The following NUBP1 variants were observed in gnomAD, a reference collection of about 807,000 sequenced individuals.
NUBP1 encodes NUBP iron-sulfur cluster assembly factor 1, cytosolic.
A neutral mutation model predicts 41.8 loss-of-function variants in NUBP1; 46 were observed. The observed-to-expected ratio is 1.10, with a 90% CI of 0.87 to 1.41. NUBP1 has a LOEUF of 1.41. Ranked by LOEUF, NUBP1 falls within the 40% of genes most tolerant of loss-of-function variation. NUBP1 has a pLI of 0.00. For missense variants in NUBP1, 494 were observed against 414.0 expected, an observed-to-expected ratio of 1.19 and a Z score of -1.68; for synonymous variants, 189 against 154.6, an observed-to-expected ratio of 1.22 and a Z score of -1.65.
At chr16:10,748,664 C>G (rs531686473) in intron 3 of NUBP1, among the ~76,000 whole-genome samples, 2 of 152,322 alleles carry the variant, frequency 1.3e-5, no homozygotes, top group South Asian at 4.1e-4. Context: ...ATAGTCAATG[C>G]TCAGTAAAGG....
chr16:10,755,972 T>C (rs1900529768), intron 5 of NUBP1, among the ~76,000 whole-genome samples: 1 of 152,242 alleles, frequency 6.6e-6, no homozygotes, highest in African/African-American at 2.4e-5. Flanking sequence ...AGCACAAAAG[T>C]AGTAATATGT....
At position 10,768,348 on chromosome 16, in the gene NUBP1, A is replaced by G; in HGVS notation, c.904+316A>G. ...CCAGGTGCAGTGGCTCACACCTGGA[A>G]TCCCAGCACTTTGGGTGAAGGAGGC... On this transcript the variant is annotated intron_variant, in intron 10 of 10. Transcript: ENST00000283027. The surrounding 1 kb of genome is among the most constrained non-coding windows in gnomAD (Gnocchi z 4.3). 5.4e-6 allele frequency: 1 copy of G among 186,590 alleles called. No homozygotes were observed. The allele number at this position is 186,590 out of a possible 1,614,324, so 11.6% of individuals were successfully genotyped here.
At chr16:10,754,297 C>T (rs1481673282) in intron 4 of NUBP1, among the ~76,000 whole-genome samples, 2 of 151,886 alleles carry the variant, frequency 1.3e-5, no homozygotes, top group African/African-American at 4.8e-5. Context: ...GGCTGGAGTG[C>T]AGTGTCGCGA....
chr16:10,755,117 A>G (rs868703110), intron 4 of NUBP1, among the ~76,000 whole-genome samples: 3 of 152,222 alleles, frequency 2.0e-5, no homozygotes, highest in African/African-American at 4.8e-5. Context: ...CACTCATTCA[A>G]TGGGTGAGTC....
rs1900830309 is a variant in NUBP1, at chr16:10,759,964, C to T, written c.607-1400C>T. Among the ~76,000 whole-genome samples, 1 of 152,192 alleles carries T rather than the reference C, an allele frequency of 6.6e-6. No individual in the cohort carries two copies. Among genetic ancestry groups the T allele is most frequent in the Non-Finnish European group, 1.5e-5 (1 of 68,040 alleles). Reference sequence around the variant, plus strand: ...AGCTCCAGGTGCTAAGGAGTCACTACACCTGACAGTGACAAGCCACAGCAG... The same window carrying T: ...AGCTCCAGGTGCTAAGGAGTCACTATACCTGACAGTGACAAGCCACAGCAG... On this transcript the variant is annotated intron_variant, in intron 7 of 10. Transcript: ENST00000283027. The surrounding 1 kb of genome is among the most constrained non-coding windows in gnomAD (Gnocchi z 4.7).
At position 10,769,030 on chromosome 16, in the gene NUBP1, G is replaced by C. The variant is rs756625301; in HGVS notation, c.905-17G>C. ...GACAAGCCATTAGCACTCTATGCCT[G>C]TCGTCTTGTTTTCCAGGAATCCAAG... On this transcript the variant is annotated splice_polypyrimidine_tract_variant and intron_variant, in intron 10 of 10. Coordinates refer to ENST00000283027, the MANE Select transcript of NUBP1 (RefSeq NM_002484.4). The C allele has an allele frequency of 2.9e-5, 47 of 1,613,510 alleles. No individual in the cohort carries two copies. Among genetic ancestry groups the C allele is most frequent in the Non-Finnish European group, 4.0e-5 (47 of 1,179,540 alleles).
In NUBP1 at chr16:10,749,779, G is replaced by C. The variant is rs537554028; in HGVS notation, c.258+2503G>C. ...CTCTGTGCAAGACCATTCCATGTTA[G>C]CGCTTGAGGCAGGCAGGCGCCTGTC... is the stretch of plus-strand genomic sequence containing the variant. On this transcript the variant is annotated intron_variant, in intron 3 of 10. Transcript: ENST00000283027. This position sits in a 1 kb window ranked among gnomAD's most constrained non-coding sequence, Gnocchi z 4.1. Among the ~76,000 whole-genome samples, 27 of 152,316 alleles carry C rather than the reference G, an allele frequency of 1.8e-4. No individual in the cohort carries two copies. Among genetic ancestry groups the C allele is most frequent in the Non-Finnish European group, 1.9e-4 (13 of 68,036 alleles).
Position 10,759,375 on chromosome 16 carries a change from G to T in NUBP1, c.606+1348G>T, listed in dbSNP as rs1265288762. The stretch of plus-strand genomic sequence containing the variant: ...GACATGGGGACGCAAGGAGGAGCAG[G>T]ACACCAGCTGGGACCCTGGACAGGA... On this transcript the variant is annotated intron_variant, in intron 7 of 10. Transcript: ENST00000283027. The surrounding 1 kb of genome is among the most constrained non-coding windows in gnomAD (Gnocchi z 4.7). Among the ~76,000 whole-genome samples, 1 of 152,248 alleles carries T rather than the reference G, an allele frequency of 6.6e-6. No individual in the cohort carries two copies. Among genetic ancestry groups the T allele is most frequent in the Admixed American group, 6.5e-5 (1 of 15,290 alleles).
intron 9 of NUBP1, 71 bp downstream of exon 9, chr16:10,761,930 G>C (rs2029977660): frequency 8.2e-7 from 1 of 1,221,414 alleles, no homozygotes; most frequent in Admixed American, 2.0e-5. Context: ...GGGCACAACA[G>C]GGGGCGGCTA....
chr16:10,752,209 A>C (rs1900349247), intron 3 of NUBP1, among the ~76,000 whole-genome samples: 1 of 152,148 alleles, frequency 6.6e-6, no homozygotes, highest in East Asian at 1.9e-4. Flanking sequence ...AGCAAAAGAG[A>C]GCTGTTTAGG....
rs994466663 is a variant in NUBP1 at position 10,767,823 on chromosome 16, C to A, written c.821-126C>A. On this transcript the variant is annotated intron_variant, in intron 9 of 10. Transcript: ENST00000283027. This position sits in a 1 kb window ranked among gnomAD's most constrained non-coding sequence, Gnocchi z 4.6. ...CCCCACTGGTCTTTTCTACTTTGTT[C>A]TTCATTACGAGTGAAGCGGGCTCAA... 4.7e-6 allele frequency: 4 copies of A among 848,740 alleles called. No individual in the cohort carries two copies. The highest frequency in any genetic ancestry group is 2.1e-5 in the Admixed American group (1 of 46,824). 52.6% of individuals were successfully genotyped at this position (848,740 alleles called of 1,614,324 possible).
intron 2 of NUBP1, 119 bp downstream of exon 2, chr16:10,744,184 G>C (rs1899951775): frequency 2.9e-6 from 3 of 1,028,360 alleles, no homozygotes; most frequent in African/African-American, 3.4e-5. Context: ...AGAAGGTATT[G>C]TATTCGGAGA....
chr16:10,752,467 G>A, intron 3 of NUBP1, 143 bp from the exon 4 acceptor site: 1 of 662,976 alleles, frequency 1.5e-6, no homozygotes. Flanking sequence ...CTCTCCCTCA[G>A]GAGAATCTGA....
Position 10,768,749 on chromosome 16 carries a change from T to C in NUBP1, c.905-298T>C. On this transcript the variant is annotated intron_variant, in intron 10 of 10. Coordinates refer to ENST00000283027, the MANE Select transcript of NUBP1 (RefSeq NM_002484.4). The surrounding 1 kb of genome is among the most constrained non-coding windows in gnomAD (Gnocchi z 4.3). Reference sequence around the variant, plus strand: ...TTGTTAAAGCTGTGGTCTCTGAGTTTGTGGCTGGGTTTTACTTGCCTAGAA... The same window carrying C: ...TTGTTAAAGCTGTGGTCTCTGAGTTCGTGGCTGGGTTTTACTTGCCTAGAA... The C allele has an allele frequency of 3.1e-6, 1 of 321,136 alleles. No homozygotes were observed. The highest frequency in any genetic ancestry group is 8.4e-4 in the Middle Eastern group (1 of 1,190). The allele number at this position is 321,136 out of a possible 1,614,324, so 19.9% of individuals were successfully genotyped here. A position where few individuals can be genotyped will look rare whatever the true frequency, so the allele number is the denominator to read the frequency against.
At chr16:10,745,326 G>GC (rs1266566939) in intron 2 of NUBP1, among the ~76,000 whole-genome samples, 1 of 152,070 alleles carries the variant, frequency 6.6e-6, no homozygotes, top group Non-Finnish European at 1.5e-5. Context: ...AAATTAGCCA[G>GC]CATGGTGGTG....
chr16:10,749,278 G>A lies in NUBP1; in HGVS notation c.258+2002G>A, dbSNP rs373489219. 1.3e-5 allele frequency among the ~76,000 whole-genome samples: 2 copies of A among 152,064 alleles called. No homozygotes were observed. The highest frequency in any genetic ancestry group is 1.9e-4 in the East Asian group (1 of 5,198). ...TCTGCTTTCTCAGATTGTCTGTATC[G>A]TTTAGAAGAATCTTTGCTTTTCGAA... is the stretch of plus-strand genomic sequence containing the variant. On this transcript the variant is annotated intron_variant, in intron 3 of 10. Transcript: ENST00000283027. The surrounding 1 kb of genome is among the most constrained non-coding windows in gnomAD (Gnocchi z 4.1).
chr16:10,762,131 A>G, intron 9 of NUBP1: 1 of 321,052 alleles, frequency 3.1e-6, no homozygotes, highest in South Asian at 6.5e-5. Flanking sequence ...TGGTGGTGGC[A>G]GGGGACTGAG....
Position 10,767,600 on chromosome 16 carries a change from AC to A in NUBP1, c.821-348del, listed in dbSNP as rs1216769086. 8.9e-6 allele frequency: 4 copies of A among 451,136 alleles called. No homozygotes were observed. The highest frequency in any genetic ancestry group is 1.6e-5 in the Non-Finnish European group (4 of 257,250). 27.9% of individuals were successfully genotyped at this position (451,136 alleles called of 1,614,324 possible). A position where few individuals can be genotyped will look rare whatever the true frequency, so the allele number is the denominator to read the frequency against. On this transcript the variant is annotated intron_variant, in intron 9 of 10. Transcript: ENST00000283027. This position sits in a 1 kb window ranked among gnomAD's most constrained non-coding sequence, Gnocchi z 4.6. ...TATGCCATATCCTTTTGCATTCTGT[AC>A]TTTTTTTAACCATGTGCATTCATGA... is the stretch of plus-strand genomic sequence containing the variant.
intron 9 of NUBP1, among the ~76,000 whole-genome samples, chr16:10,764,183 C>T (rs543766121): frequency 6.6e-6 from 1 of 152,380 alleles, no homozygotes; most frequent in South Asian, 2.1e-4. Flanking sequence ...CCCACGGGAG[C>T]ATCCCAGCCC....
Sources: gnomAD v4.1 joint callset for allele counts (sites outside exome capture counted in the v4.1 genomes callset) on GRCh38, gnomAD v4.1.1 for gene constraint, Gnocchi (gnomAD v3.1) non-coding constraint, MANE v1.5 for transcripts, NCBI Gene and HGNC (gene_info 2026-07-23, HGNC 2026-07-21) for gene names.